Variants in RYR3 observed in about 807,000 individuals in gnomAD.
RYR3 encodes brain ryanodine receptor-calcium release channel.
Under a neutral mutation model 584.3 loss-of-function variants are expected in RYR3, and 207 were observed. The ratio of observed to expected loss-of-function variants is 0.35; its 90% CI spans 0.32 to 0.40. The LOEUF is 0.40. RYR3 is among the 10% of genes least tolerant of loss of function. The pLI, the probability that RYR3 is intolerant of heterozygous loss-of-function variation, is 1.00. For missense variants in RYR3, 5,616 were observed against 6,089.2 expected (o/e 0.92, Z 2.59); for synonymous variants, 2,416 against 2,248.5 (o/e 1.07, Z -2.11).
chr15:33,706,190 A>G (rs2066704064), intron 42 of RYR3, among the ~76,000 whole-genome samples: 1 of 152,190 alleles, frequency 6.6e-6, no homozygotes, highest in Non-Finnish European at 1.5e-5. Context: ...TTTCTTACAT[A>G]CGTGTAAGAT....
At chr15:33,543,221 AT>A (rs141653598) in intron 7 of RYR3, among the ~76,000 whole-genome samples, 2 of 151,952 alleles carry the variant, frequency 1.3e-5, no homozygotes, top group South Asian at 2.1e-4. Flanking sequence ...TCTGATTTGG[AT>A]TTTTTTTACA....
chr15:33,709,031 C>G (rs74005965), intron 43 of RYR3, among the ~76,000 whole-genome samples: 39 of 151,816 alleles, frequency 2.6e-4, no homozygotes, highest in Admixed American at 2.5e-3. Context: ...AGCAGGTAAT[C>G]GAAAAAGTTT....
In RYR3 at chr15:33,810,936, A is replaced by G. The variant is rs756597923; in HGVS notation, c.10198-42A>G. 6 of 1,541,158 alleles carry G rather than the reference A, an allele frequency of 3.9e-6. No homozygotes were observed. The East Asian group carries it at 1.4e-4, about 36-fold the overall frequency. ...TCCCCATATGCTACTTGACAGTTCC[A>G]TGGTGATCTCCGGGAATAAAATCTG... On this transcript the variant is annotated intron_variant, in intron 71 of 103. Coordinates refer to ENST00000634891, the MANE Select transcript of RYR3 (RefSeq NM_001036.6).
intron 53 of RYR3, among the ~76,000 whole-genome samples, chr15:33,747,573 C>T (rs2070868312): frequency 1.3e-5 from 2 of 151,930 alleles, no homozygotes; most frequent in South Asian, 4.1e-4. Flanking sequence ...TACAGGCATG[C>T]ACCACTACGC....
intron 3 of RYR3, among the ~76,000 whole-genome samples, chr15:33,515,839 CTAAATA>C (rs1231232421): frequency 6.6e-6 from 1 of 152,188 alleles, no homozygotes; most frequent in Non-Finnish European, 1.5e-5. Flanking sequence ...CACTTATTTT[CTAAATA>C]TATTAACTTC....
chr15:33,782,505 G>A (rs1406232606), intron 65 of RYR3, among the ~76,000 whole-genome samples: 8 of 152,164 alleles, frequency 5.3e-5, no homozygotes, highest in Admixed American at 2.0e-4. Context: ...TTCATCACTG[G>A]CTTTAGCAAA....
intron 1 of RYR3, among the ~76,000 whole-genome samples, chr15:33,360,425 T>C (rs186410297): frequency 1.3e-5 from 2 of 152,340 alleles, no homozygotes; most frequent in East Asian, 1.9e-4. Context: ...GTTTTTGAGA[T>C]TGATCTATGT....
At chr15:33,705,894 T>C (rs1356412868) in intron 42 of RYR3, among the ~76,000 whole-genome samples, 1 of 152,242 alleles carries the variant, frequency 6.6e-6, no homozygotes, top group Non-Finnish European at 1.5e-5. Flanking sequence ...CAGTGGGCCC[T>C]TCTTTTCCTG....
chr15:33,659,666 G>T, intron 32 of RYR3, 54 bp from the exon 33 acceptor site: 1 of 1,165,786 alleles, frequency 8.6e-7, no homozygotes, highest in South Asian at 1.3e-5. Context: ...GGCTGAGCCA[G>T]CTGTGTTGTT....
At chr15:33,757,738 CTATAT>C in intron 60 of RYR3, 142 bp downstream of exon 60, 1 of 857,316 alleles carries the variant, frequency 1.2e-6, no homozygotes, top group Non-Finnish European at 1.8e-6. Context: ...TCGAAAGAAA[CTATAT>C]TCATACATAT....
chr15:33,636,383 G>A lies in RYR3; in HGVS notation c.3389G>A (p.Arg1130His), dbSNP rs558475472. The A allele has an allele frequency of 1.4e-5, 22 of 1,613,830 alleles. No individual in the cohort carries two copies. Among genetic ancestry groups the A allele is most frequent in the South Asian group, 6.6e-5 (6 of 91,066 alleles). Reference protein sequence around the residue: ...AFVFEGNRGQRWHQGSGYFGR... With the variant: ...AFVFEGNRGQHWHQGSGYFGR... ...TAGAGTCTTGTTTTCTAGGGCCAGC[G>A]TTGGCATCAAGGAAGTGGGTATTTT... Residue 1130 changes from arginine (R) to histidine (H), a missense_variant, in exon 27 of 104, where the codon CGT (arginine) becomes CAT (histidine). Transcript: ENST00000634891.
At chr15:33,738,686 A>C (rs12907197) in intron 50 of RYR3, 96 bp downstream of exon 50, 51 of 1,401,748 alleles carry the variant, frequency 3.6e-5, no homozygotes, top group Non-Finnish European at 5.1e-5. Flanking sequence ...TCCATTTGCC[A>C]GGACCTGTGC....
chr15:33,603,106 C>A lies in RYR3; in HGVS notation c.1923-17C>A. 3.1e-6 allele frequency: 5 copies of A among 1,611,744 alleles called. No individual in the cohort carries two copies. The highest frequency in any genetic ancestry group is 4.2e-6 in the Non-Finnish European group (5 of 1,178,822). On this transcript the variant is annotated splice_polypyrimidine_tract_variant and intron_variant, in intron 17 of 103. Coordinates refer to ENST00000634891, the MANE Select transcript of RYR3 (RefSeq NM_001036.6). ...TTTAAGGGTGTGTAGATGCCACTTG[C>A]CCATGTTTACTTTCAGTATCCGGCC...
chr15:33,672,382 G>A (rs907140763), intron 38 of RYR3, among the ~76,000 whole-genome samples: 5 of 152,308 alleles, frequency 3.3e-5, no homozygotes, highest in East Asian at 1.9e-4. Context: ...CCCTGTATGA[G>A]ACTGCGTGTC....
intron 52 of RYR3, among the ~76,000 whole-genome samples, chr15:33,745,703 G>A (rs146152434): frequency 3.9e-5 from 6 of 152,334 alleles, no homozygotes; most frequent in African/African-American, 1.4e-4. Flanking sequence ...AGTGGCAATA[G>A]GTCCAGTCTT....
chr15:33,484,976 G>A (rs1323433883), intron 2 of RYR3, among the ~76,000 whole-genome samples: 1 of 152,110 alleles, frequency 6.6e-6, no homozygotes, highest in Non-Finnish European at 1.5e-5. Context: ...CTATGAGAGT[G>A]AATACAGAAA....
At chr15:33,433,578 G>A (rs546488819) in intron 1 of RYR3, among the ~76,000 whole-genome samples, 2 of 152,274 alleles carry the variant, frequency 1.3e-5, no homozygotes, top group African/African-American at 4.8e-5. Context: ...AGGGTAAGAA[G>A]TAAAAATATA....
intron 31 of RYR3, among the ~76,000 whole-genome samples, chr15:33,650,592 A>T (rs1439197042): frequency 6.6e-6 from 1 of 152,160 alleles, no homozygotes; most frequent in Non-Finnish European, 1.5e-5. Context: ...GCACTCAGTA[A>T]ATATCAGCTA....
At chr15:33,789,622 TTTTA>T (rs1309629813) in intron 67 of RYR3, among the ~76,000 whole-genome samples, 2,216 of 32,330 alleles carry the variant, frequency 0.069, 283 homozygotes, top group South Asian at 0.13. Context: ...CCAGGTTTTA[TTTTA>T]TATATATATA....
Sources: gnomAD v4.1 joint callset for allele counts (sites outside exome capture counted in the v4.1 genomes callset) on GRCh38, gnomAD v4.1.1 for gene constraint, MANE v1.5 for transcripts, NCBI Gene and HGNC (gene_info 2026-07-23, HGNC 2026-07-21) for gene names.